The following TANC2 variants were observed in gnomAD, a reference collection of about 807,000 sequenced individuals.
The protein encoded by TANC2 is tetratricopeptide repeat, ankyrin repeat and coiled-coil containing 2.
In TANC2, 26 loss-of-function variants were observed where a neutral mutation model predicts 210.5. The observed-to-expected ratio is 0.12, with a 90% confidence interval of 0.09 to 0.17. TANC2 has a LOEUF of 0.17. TANC2 is among the 10% of genes least tolerant of loss of function. The pLI, the probability that TANC2 is intolerant of heterozygous loss-of-function variation, is 1.00. For synonymous variants in TANC2, 931 were observed against 967.1 expected, an observed-to-expected ratio of 0.96 and a Z score of 0.69; for missense variants, 2,129 against 2,608.9, an observed-to-expected ratio of 0.82 and a Z score of 4.01.
At chr17:63,284,893 T>C (rs1249224763) in intron 9 of TANC2, among the ~76,000 whole-genome samples, 2 of 152,116 alleles carry the variant, frequency 1.3e-5, no homozygotes, top group Non-Finnish European at 2.9e-5. Flanking sequence ...TTTTTGCTCT[T>C]TGTGTTTGGA....
intron 21 of TANC2, among the ~76,000 whole-genome samples, chr17:63,407,839 T>G (rs2048562658): frequency 1.3e-5 from 2 of 152,148 alleles, no homozygotes; most frequent in South Asian, 4.1e-4. Flanking sequence ...GTTTTGTATT[T>G]AGGGAGAGGA....
intron 7 of TANC2, among the ~76,000 whole-genome samples, chr17:63,234,079 A>G (rs186998427): frequency 6.6e-6 from 1 of 152,214 alleles, no homozygotes; most frequent in Non-Finnish European, 1.5e-5. Context: ...CTTGACCATT[A>G]TTGAAGATGC....
intron 19 of TANC2, 73 bp downstream of exon 19, chr17:63,398,987 T>G: frequency 8.8e-7 from 1 of 1,142,016 alleles, no homozygotes; most frequent in East Asian, 2.7e-5. Context: ...CCCCTTATTT[T>G]TTCCCTGGCA....
chr17:63,344,468 A>G (rs2046336813), intron 12 of TANC2, among the ~76,000 whole-genome samples: 1 of 152,206 alleles, frequency 6.6e-6, no homozygotes, highest in Admixed American at 6.5e-5. Context: ...ACTTATATTC[A>G]TCATTCCACT....
intron 3 of TANC2, among the ~76,000 whole-genome samples, chr17:63,090,520 C>T (rs1304087506): frequency 6.6e-6 from 1 of 152,172 alleles, no homozygotes; most frequent in Non-Finnish European, 1.5e-5. Flanking sequence ...ATCCATGTCC[C>T]TACAAAGGAC....
chr17:62,975,726 T>C (rs2143320300), intron 1 of TANC2, among the ~76,000 whole-genome samples: 1 of 152,042 alleles, frequency 6.6e-6, no homozygotes, highest in African/African-American at 2.4e-5. Flanking sequence ...ATCATGAAAA[T>C]GGGTTTGAAT....
intron 1 of TANC2, among the ~76,000 whole-genome samples, chr17:63,005,455 T>A (rs1009128361): frequency 1.3e-5 from 2 of 150,948 alleles, no homozygotes; most frequent in Non-Finnish European, 2.9e-5. Context: ...TGCTTTAGAA[T>A]CAGCTTTGCA....
chr17:63,297,832 A>T (rs2146464735), intron 9 of TANC2, among the ~76,000 whole-genome samples: 1 of 152,312 alleles, frequency 6.6e-6, no homozygotes, highest in South Asian at 2.1e-4. Context: ...TCTAGTATCC[A>T]GAATATATTA....
intron 14 of TANC2, among the ~76,000 whole-genome samples, chr17:63,372,973 C>T (rs2047316995): frequency 6.9e-6 from 1 of 145,250 alleles, no homozygotes; most frequent in South Asian, 2.1e-4. Context: ...CAATTTGCTG[C>T]AGCCTCAACC....
intron 4 of TANC2, among the ~76,000 whole-genome samples, chr17:63,101,726 A>G (rs988204584): frequency 1.3e-5 from 2 of 152,226 alleles, no homozygotes; most frequent in African/African-American, 4.8e-5. Context: ...AATGGTGGCA[A>G]CTACTACAAA....
At chr17:63,141,160 T>A (rs1443643273) in intron 4 of TANC2, among the ~76,000 whole-genome samples, 1 of 152,040 alleles carries the variant, frequency 6.6e-6, no homozygotes, top group Non-Finnish European at 1.5e-5. Flanking sequence ...ATCTTATGAT[T>A]CTGTTTTCCC....
intron 4 of TANC2, among the ~76,000 whole-genome samples, chr17:63,124,619 C>T (rs2038633347): frequency 6.6e-6 from 1 of 152,172 alleles, no homozygotes; most frequent in African/African-American, 2.4e-5. Flanking sequence ...GTTCTAATTG[C>T]TTTTTGGTGT....
intron 8 of TANC2, among the ~76,000 whole-genome samples, chr17:63,264,776 A>G (rs2043473571): frequency 6.6e-6 from 1 of 152,124 alleles, no homozygotes; most frequent in South Asian, 2.1e-4. Context: ...CAACAAAGAG[A>G]GACCCTGTCT....
intron 9 of TANC2, among the ~76,000 whole-genome samples, chr17:63,309,911 G>A (rs1450197859): frequency 1.3e-5 from 2 of 151,780 alleles, no homozygotes; most frequent in African/African-American, 4.8e-5. Context: ...GATAAAGTAA[G>A]CATTACAAAT....
intron 5 of TANC2, among the ~76,000 whole-genome samples, chr17:63,167,833 C>T (rs2040261611): frequency 1.5e-5 from 2 of 133,488 alleles, no homozygotes; most frequent in Non-Finnish European, 3.1e-5. Context: ...TGCAGTGAGC[C>T]GAGATCGCAC....
intron 11 of TANC2, among the ~76,000 whole-genome samples, chr17:63,336,692 A>G (rs1249418235): frequency 1.3e-5 from 2 of 152,228 alleles, no homozygotes; most frequent in Admixed American, 6.5e-5. Flanking sequence ...TATGCTGTGG[A>G]TGAAATTGTT....
At chr17:63,104,067 A>G (rs920640038) in intron 4 of TANC2, among the ~76,000 whole-genome samples, 1 of 152,176 alleles carries the variant, frequency 6.6e-6, no homozygotes, top group Non-Finnish European at 1.5e-5. Flanking sequence ...CGGAGCATCT[A>G]GTATATCAAT....
chr17:63,351,137 C>T, intron 12 of TANC2, 113 bp from the exon 13 acceptor site: 1 of 961,076 alleles, frequency 1.0e-6, no homozygotes, highest in Non-Finnish European at 1.5e-6. Flanking sequence ...TCACTAAACA[C>T]ATGACAAGCC....
intron 8 of TANC2, among the ~76,000 whole-genome samples, chr17:63,248,384 T>C (rs1316436573): frequency 1.3e-5 from 2 of 152,094 alleles, no homozygotes; most frequent in Non-Finnish European, 2.9e-5. Context: ...AGGATGGGGA[T>C]GGGAATGATG....
Sources: allele counts gnomAD v4.1 joint callset (sites outside exome capture counted in the v4.1 genomes callset), GRCh38; gene constraint gnomAD v4.1.1; transcripts MANE v1.5; gene names NCBI Gene and HGNC (gene_info 2026-07-23, HGNC 2026-07-21).